The following COL6A6 variants were observed in gnomAD, a reference collection of about 807,000 sequenced individuals.
COL6A6 encodes collagen alpha-6(VI) chain.
COL6A6 carries 183 observed loss-of-function variants against 208.6 expected under a neutral mutation model. That is an observed-to-expected ratio of 0.88 (90% CI 0.78 to 0.99). The LOEUF is 0.99. Among genes scored for constraint, COL6A6 ranks in the 50% least tolerant of loss-of-function variants. The pLI, the probability that COL6A6 is intolerant of heterozygous loss-of-function variation, is 0.00. For missense variants in COL6A6, 2,816 were observed against 2,815.2 expected (o/e 1.00, Z -0.01); for synonymous variants, 973 against 1,011.8 (o/e 0.96, Z 0.73).
intron 33 of COL6A6, among the ~76,000 whole-genome samples, chr3:130,650,016 C>A (rs1022952220): frequency 6.6e-6 from 1 of 152,160 alleles, no homozygotes; most frequent in Non-Finnish European, 1.5e-5. Context: ...TGATGAGAGC[C>A]AATTTGCTGA....
At chr3:130,667,857 C>A (rs953141875) in intron 36 of COL6A6, among the ~76,000 whole-genome samples, 1 of 150,868 alleles carries the variant, frequency 6.6e-6, no homozygotes, top group Admixed American at 6.6e-5. Flanking sequence ...TCATTTGGGC[C>A]GGGGATTAGG....
At chr3:130,596,549 A>T (rs2063855890) in intron 18 of COL6A6, among the ~76,000 whole-genome samples, 1 of 152,220 alleles carries the variant, frequency 6.6e-6, no homozygotes, top group African/African-American at 2.4e-5. Context: ...AAATAAATAG[A>T]ACACACATGA....
In COL6A6 at chr3:130,665,830, G is replaced by C. The variant is rs144858369; in HGVS notation, c.6596+734G>C. Among the ~76,000 whole-genome samples, 475 of 152,274 alleles carry C rather than the reference G, an allele frequency of 3.1e-3. 4 individuals are homozygous for C. The highest frequency in any genetic ancestry group is 0.011 in the African/African-American group (453 of 41,550). ...GATTACAGGGTGCCAAAACCATCGC[G>C]TGACAGGTTGTTGGGGAACAGGCTG... On this transcript the variant is annotated intron_variant, in intron 36 of 36. Transcript: ENST00000358511.
chr3:130,606,365 G>A (rs1297095583), intron 20 of COL6A6, among the ~76,000 whole-genome samples: 2 of 147,088 alleles, frequency 1.4e-5, no homozygotes, highest in Admixed American at 6.7e-5. Flanking sequence ...GGATTGAGTA[G>A]CTTTTGAATG....
rs757767695 is a variant in COL6A6, at chr3:130,518,366, T to A, written c.-32+969T>A. Among the ~76,000 whole-genome samples, 73 of 152,242 alleles carry A rather than the reference T, an allele frequency of 4.8e-4. 1 individual carries two copies. Among genetic ancestry groups the A allele is most frequent in the Non-Finnish European group, 8.8e-5 (6 of 68,036 alleles). ...TCTATTTAATGAGTAGTATTTTTAA[T>A]ATAAAATGTTCAATGTTAAATTTAT... On this transcript the variant is annotated intron_variant, in intron 1 of 36. Coordinates refer to ENST00000358511, the MANE Select transcript of COL6A6 (RefSeq NM_001102608.3).
At position 130,553,430 on chromosome 3, in the gene COL6A6, T is replaced by C. The variant is rs528846274; in HGVS notation, c.-31-6904T>C. The stretch of plus-strand genomic sequence containing the variant: ...CTTTGAGATTCTTTCCTCAGCATGG[T>C]TGATTCTGCTGTTAATACTTGGGAT... On this transcript the variant is annotated intron_variant, in intron 1 of 36. Transcript: ENST00000358511. 2.6e-5 allele frequency among the ~76,000 whole-genome samples: 4 copies of C among 152,354 alleles called. No homozygotes were observed. The South Asian group carries it at 8.3e-4, about 32-fold the overall frequency.
intron 23 of COL6A6, among the ~76,000 whole-genome samples, chr3:130,616,711 G>A (rs1224761955): frequency 6.6e-6 from 1 of 152,116 alleles, no homozygotes; most frequent in Non-Finnish European, 1.5e-5. Context: ...GCAGTTTGGA[G>A]TCCGGAGTAG....
At chr3:130,589,225 T>C (rs778440738) in intron 12 of COL6A6, 43 bp downstream of exon 12, 1 of 1,398,212 alleles carries the variant, frequency 7.2e-7, no homozygotes, top group Non-Finnish European at 1.0e-6. Context: ...AGTTGTAGTA[T>C]GTCCTTCAGA....
At chr3:130,672,451 G>A (rs1419447562) in intron 36 of COL6A6, among the ~76,000 whole-genome samples, 1 of 150,732 alleles carries the variant, frequency 6.6e-6, no homozygotes, top group Non-Finnish European at 1.5e-5. Context: ...CACCCAGGCT[G>A]GAGTGCAGTG....
chr3:130,643,085 A>C, intron 31 of COL6A6, 62 bp downstream of exon 31: 3 of 1,546,616 alleles, frequency 1.9e-6, no homozygotes, highest in Admixed American at 3.5e-5. Flanking sequence ...AAAGCAGAGA[A>C]ACCTACACTC....
chr3:130,575,873 T>G (rs767452283), intron 8 of COL6A6, among the ~76,000 whole-genome samples: 2 of 152,126 alleles, frequency 1.3e-5, no homozygotes, highest in Non-Finnish European at 2.9e-5. Context: ...AAGCCACCTT[T>G]GTCTAAAGAT....
chr3:130,606,876 T>C, intron 20 of COL6A6, 55 bp from the exon 21 acceptor site: 1 of 1,412,930 alleles, frequency 7.1e-7, no homozygotes, highest in Non-Finnish European at 9.9e-7. Context: ...ATTTAAATCA[T>C]ATATAAAAAG....
intron 33 of COL6A6, among the ~76,000 whole-genome samples, chr3:130,653,357 G>A (rs568698278): frequency 6.6e-6 from 1 of 151,350 alleles, no homozygotes; most frequent in African/African-American, 2.5e-5. Context: ...GAGTTGAAAT[G>A]GGGGGAGACT....
chr3:130,595,661 C>A (rs2063831162), intron 18 of COL6A6, among the ~76,000 whole-genome samples: 1 of 152,176 alleles, frequency 6.6e-6, no homozygotes, highest in African/African-American at 2.4e-5. Flanking sequence ...GGCTGCATTG[C>A]ATAGTATTTC....
chr3:130,627,360 G>T lies in COL6A6; in HGVS notation c.4983G>T (p.Lys1661Asn). 6.2e-7 allele frequency: 1 copy of T among 1,613,748 alleles called. No homozygotes were observed. The highest frequency in any genetic ancestry group is 8.5e-7 in the Non-Finnish European group (1 of 1,179,694). Residue 1661 changes from lysine to asparagine, a missense_variant, in exon 26 of 37, where the codon AAG becomes AAT. By Grantham distance (94) the Lys-to-Asn change is moderately conservative. Coordinates refer to ENST00000358511, the MANE Select transcript of COL6A6 (RefSeq NM_001102608.3). ...GSPGYGSVGR[K>N]GAKGQEGFPG... Reference sequence around the variant, plus strand: ...CAGGTTATGGTAGTGTCGGACGCAAGGGAGCAAAGGTAAGTCAAGTCTGCT... The same window carrying T: ...CAGGTTATGGTAGTGTCGGACGCAATGGAGCAAAGGTAAGTCAAGTCTGCT...
At chr3:130,529,193 T>C (rs1186980138) in intron 1 of COL6A6, among the ~76,000 whole-genome samples, 10 of 151,982 alleles carry the variant, frequency 6.6e-5, no homozygotes, top group African/African-American at 2.4e-4. Context: ...GACTCCATCT[T>C]TTCTTAATTC....
At position 130,649,180 on chromosome 3, in the gene COL6A6, T is replaced by G; in HGVS notation, c.5351T>G (p.Val1784Gly). The change falls in exon 33 of 37, where the codon GTG (valine) becomes GGG (glycine). Residue 1784 changes from valine to glycine, a missense_variant. Transcript: ENST00000358511. ...ATGAAGGAGATGATGGCTTTCCTGG[T>G]GAGAGACATTAAGGTCCGGGAGAAC... ...ERMKEMMAFLVRDIKVRENSC... is the reference protein window; with the variant it reads ...ERMKEMMAFLGRDIKVRENSC... 2 of 1,595,316 alleles carry G rather than the reference T, an allele frequency of 1.3e-6. No homozygotes were observed. The highest frequency in any genetic ancestry group is 1.7e-6 in the Non-Finnish European group (2 of 1,170,600).
intron 10 of COL6A6, 88 bp from the exon 11 acceptor site, chr3:130,586,418 C>A: frequency 2.5e-6 from 3 of 1,182,688 alleles, no homozygotes; most frequent in Non-Finnish European, 3.6e-6. Flanking sequence ...TGCAGCTGTT[C>A]ACTGAGAATA....
intron 1 of COL6A6, among the ~76,000 whole-genome samples, chr3:130,548,354 G>C (rs114810691): frequency 1.1e-3 from 162 of 152,240 alleles, no homozygotes; most frequent in African/African-American, 3.8e-3. Context: ...GTGTTTTTTG[G>C]ACTATGAATT....
Sources: gnomAD v4.1 joint callset for allele counts (sites outside exome capture counted in the v4.1 genomes callset) on GRCh38, gnomAD v4.1.1 for gene constraint, MANE v1.5 for transcripts, NCBI Gene and HGNC (gene_info 2026-07-23, HGNC 2026-07-21) for gene names.